The following DLG2 variants were observed in gnomAD, a reference collection of about 807,000 sequenced individuals.
The protein encoded by DLG2 is discs large MAGUK scaffold protein 2.
Under a neutral mutation model 132.5 loss-of-function variants are expected in DLG2, and 45 were observed. That is an observed-to-expected ratio of 0.34 (90% confidence interval 0.27 to 0.44). The LOEUF (loss-of-function observed/expected upper bound fraction) is 0.44. Ranked by LOEUF, DLG2 falls within the 20% of genes least tolerant of loss-of-function variation. The pLI is 1.00. For synonymous variants in DLG2, 424 were observed against 419.6 expected, an observed-to-expected ratio of 1.01 and a Z score of -0.13; for missense variants, 1,045 against 1,196.9, an observed-to-expected ratio of 0.87 and a Z score of 1.87.
At chr11:85,010,250 G>A (rs2059037965) in intron 6 of DLG2, among the ~76,000 whole-genome samples, 1 of 151,990 alleles carries the variant, frequency 6.6e-6, no homozygotes, top group South Asian at 2.1e-4. Flanking sequence ...CTTGACACAA[G>A]ATAATGTCTT....
At chr11:84,373,114 C>T (rs191697314) in intron 7 of DLG2, among the ~76,000 whole-genome samples, 26 of 151,646 alleles carry the variant, frequency 1.7e-4, no homozygotes, top group Admixed American at 7.2e-4. Context: ...CAACTGAGTC[C>T]TAAATGTGAA....
At chr11:83,868,696 G>A (rs368087829) in intron 16 of DLG2, among the ~76,000 whole-genome samples, 5 of 151,532 alleles carry the variant, frequency 3.3e-5, no homozygotes, top group Non-Finnish European at 5.9e-5. Context: ...TCAGATTTTC[G>A]ACCAGCGACC....
chr11:84,940,917 T>C (rs2049329816), intron 6 of DLG2, among the ~76,000 whole-genome samples: 1 of 152,328 alleles, frequency 6.6e-6, no homozygotes, highest in Non-Finnish European at 1.5e-5. Context: ...TAGTAAGAGA[T>C]AGCATCTAGT....
intron 16 of DLG2, among the ~76,000 whole-genome samples, chr11:83,858,297 AG>A (rs1463938731): frequency 1.3e-5 from 2 of 152,198 alleles, no homozygotes; most frequent in Non-Finnish European, 2.9e-5. Flanking sequence ...ACACTGCAAA[AG>A]GTGCTTTCTT....
intron 6 of DLG2, among the ~76,000 whole-genome samples, chr11:84,750,480 A>G (rs1164990086): frequency 6.6e-6 from 1 of 152,158 alleles, no homozygotes; most frequent in Non-Finnish European, 1.5e-5. Flanking sequence ...TGAGTTTAGA[A>G]AGAAAAATCT....
At chr11:84,524,895 T>C (rs1393029475) in intron 7 of DLG2, among the ~76,000 whole-genome samples, 1 of 151,678 alleles carries the variant, frequency 6.6e-6, no homozygotes, top group Non-Finnish European at 1.5e-5. Context: ...TTTTAAAACA[T>C]CTGCTATTTG....
chr11:85,089,978 A>C (rs1390309674), intron 6 of DLG2, among the ~76,000 whole-genome samples: 2 of 152,176 alleles, frequency 1.3e-5, no homozygotes, highest in Non-Finnish European at 2.9e-5. Context: ...TTTAAATTTG[A>C]TCTGATTTTA....
intron 14 of DLG2, among the ~76,000 whole-genome samples, chr11:83,953,736 C>T (rs1260678394): frequency 6.6e-6 from 1 of 152,090 alleles, no homozygotes; most frequent in Non-Finnish European, 1.5e-5. Context: ...AAGAACAGAC[C>T]ATGTCTATTT....
chr11:84,031,057 G>T (rs1455196243), intron 11 of DLG2, among the ~76,000 whole-genome samples: 2 of 152,050 alleles, frequency 1.3e-5, no homozygotes, highest in African/African-American at 4.8e-5. Context: ...ATAGTCTTGA[G>T]TTTGCCAGCA....
At chr11:85,079,027 G>A (rs1389736029) in intron 6 of DLG2, among the ~76,000 whole-genome samples, 2 of 151,984 alleles carry the variant, frequency 1.3e-5, no homozygotes, top group Non-Finnish European at 2.9e-5. Flanking sequence ...GTTTTAGGGG[G>A]GGGGTCTGAG....
intron 6 of DLG2, among the ~76,000 whole-genome samples, chr11:84,562,351 A>G (rs1285725371): frequency 6.6e-6 from 1 of 152,162 alleles, no homozygotes; most frequent in Non-Finnish European, 1.5e-5. Context: ...AAGAAAAAAA[A>G]TTGGGAGCAC....
Position 83,604,406 on chromosome 11 carries a change from G to C in DLG2, c.1940+28805C>G, listed in dbSNP as rs537958466. ...TATTTTTCTTTAATACAATTCTCTT[G>C]GAGTCATATTTTTGGTCAACTCATC... On this transcript the variant is annotated intron_variant, in intron 19 of 27. Coordinates refer to ENST00000376104, the MANE Select transcript of DLG2 (RefSeq NM_001142699.3). 2.2e-4 allele frequency among the ~76,000 whole-genome samples: 33 copies of C among 152,198 alleles called. No homozygotes were observed. The South Asian group carries it at 6.6e-3, about 31-fold the overall frequency.
chr11:84,251,876 G>A lies in DLG2; in HGVS notation c.520-585C>T. Among the ~76,000 whole-genome samples the A allele has an allele frequency of 1.3e-5, 2 of 151,768 alleles. 1 individual carries two copies. The highest frequency in any genetic ancestry group is 4.2e-4 in the South Asian group (2 of 4,816). ...GATGGTCTTGATCTCCTGACCTTGTGATCTACCCACCTCGGACTCCCAAAG... is the reference window on the plus strand; with the variant it reads ...GATGGTCTTGATCTCCTGACCTTGTAATCTACCCACCTCGGACTCCCAAAG... On this transcript the variant is annotated intron_variant, in intron 7 of 27. Coordinates refer to ENST00000376104, the MANE Select transcript of DLG2 (RefSeq NM_001142699.3).
chr11:84,618,543 G>A (rs2154540436), intron 6 of DLG2, among the ~76,000 whole-genome samples: 1 of 152,072 alleles, frequency 6.6e-6, no homozygotes, highest in Non-Finnish European at 1.5e-5. Flanking sequence ...AAGCCAGCAT[G>A]CCCAGAGGAA....
chr11:83,483,274 C>T (rs755585601), intron 22 of DLG2: 6 of 1,612,796 alleles, frequency 3.7e-6, no homozygotes, highest in African/African-American at 2.7e-5. Context: ...GTTCCATAAC[C>T]GTCGTCACCT....
At chr11:84,565,890 T>C (rs2099452208) in intron 6 of DLG2, among the ~76,000 whole-genome samples, 1 of 151,984 alleles carries the variant, frequency 6.6e-6, no homozygotes, top group Admixed American at 6.6e-5. Context: ...ATGCAATAAA[T>C]ATATCATTCG....
At chr11:85,617,139 C>T (rs2081391473) in intron 2 of DLG2, among the ~76,000 whole-genome samples, 2 of 152,182 alleles carry the variant, frequency 1.3e-5, no homozygotes, top group Admixed American at 1.3e-4. Flanking sequence ...AATTTACAGA[C>T]CAAGTCCAGC....
chr11:83,711,507 C>A (rs139117701), intron 18 of DLG2, among the ~76,000 whole-genome samples: 5 of 138,840 alleles, frequency 3.6e-5, no homozygotes, highest in African/African-American at 1.3e-4. Flanking sequence ...CTGTGGGAAC[C>A]CTGCAAGTTT....
intron 7 of DLG2, among the ~76,000 whole-genome samples, chr11:84,401,932 C>T (rs1217150072): frequency 6.6e-6 from 1 of 152,118 alleles, no homozygotes; most frequent in Non-Finnish European, 1.5e-5. Flanking sequence ...AGCAGATGAA[C>T]TTCCATAAAG....
Sources: gnomAD v4.1 joint callset for allele counts (sites outside exome capture counted in the v4.1 genomes callset) on GRCh38, gnomAD v4.1.1 for gene constraint, MANE v1.5 for transcripts, NCBI Gene and HGNC (gene_info 2026-07-23, HGNC 2026-07-21) for gene names.